Variants in SEMA5B observed in about 807,000 individuals in gnomAD.
SEMA5B encodes the protein semaphorin-5B.
In SEMA5B, 66 loss-of-function variants were observed where a neutral mutation model predicts 135.0. The observed-to-expected ratio is 0.49, with a 90% CI of 0.40 to 0.60. The LOEUF is 0.60. Among genes scored for constraint, SEMA5B ranks in the 20% least tolerant of loss-of-function variants. SEMA5B has a pLI of 0.00. For missense variants in SEMA5B, 1,501 were observed against 1,566.3 expected, an observed-to-expected ratio of 0.96 and a Z score of 0.70; for synonymous variants, 690 against 639.5, an observed-to-expected ratio of 1.08 and a Z score of -1.19.
intron 1 of SEMA5B, among the ~76,000 whole-genome samples, chr3:122,969,323 A>C (rs9816759): frequency 0.53 from 80,073 of 151,906 alleles, 23,196 homozygotes; most frequent in African/African-American, 0.77. Context: ...AGACAGATTC[A>C]CCAGGAAGGA....
At chr3:122,932,579 A>T (rs1228554343) in intron 5 of SEMA5B, among the ~76,000 whole-genome samples, 1 of 152,158 alleles carries the variant, frequency 6.6e-6, no homozygotes, top group Non-Finnish European at 1.5e-5. Flanking sequence ...CTGCCTCATC[A>T]TGGGAACATC....
chr3:123,015,544 A>G (rs1340217420), intron 1 of SEMA5B, among the ~76,000 whole-genome samples: 2 of 152,206 alleles, frequency 1.3e-5, no homozygotes, highest in African/African-American at 4.8e-5. Context: ...AAGCCAGAGG[A>G]GGACTGCTGA....
At position 122,939,406 on chromosome 3, in the gene SEMA5B, G is replaced by A. The variant is rs1224045793; in HGVS notation, c.474+19C>T. Reference sequence around the variant, plus strand: ...AATAGGGGAAATTATAGGAAGGGAAGGGAAGAAAGCAATCGTACCTGAAGA... The same window carrying A: ...AATAGGGGAAATTATAGGAAGGGAAAGGAAGAAAGCAATCGTACCTGAAGA... On this transcript the variant is annotated intron_variant, in intron 5 of 22. Transcript: ENST00000357599. The A allele has an allele frequency of 1.3e-6, 2 of 1,595,512 alleles. No homozygotes were observed. Among genetic ancestry groups the A allele is most frequent in the Non-Finnish European group, 8.6e-7 (1 of 1,163,056 alleles).
Position 122,915,562 on chromosome 3 carries a change from C to T in SEMA5B, c.1866G>A (p.Glu622=). The T allele has an allele frequency of 6.2e-7, 1 of 1,614,148 alleles. No homozygotes were observed. Among genetic ancestry groups the T allele is most frequent in the Non-Finnish European group, 8.5e-7 (1 of 1,179,992 alleles). The part of the protein sequence containing the change: ...FGPWSPWQPC[E]HLDGDNSGSC... ...AGCCTGAGTTGTCCCCATCCAAGTGCTCACATGGTTGCCATGGTGACCATG... is the reference window on the plus strand; with the variant it reads ...AGCCTGAGTTGTCCCCATCCAAGTGTTCACATGGTTGCCATGGTGACCATG... Residue 622 remains glutamate (E), a synonymous_variant, in exon 14 of 23, where the codon GAG becomes GAA. Coordinates refer to ENST00000357599, the MANE Select transcript of SEMA5B (RefSeq NM_001031702.4).
intron 5 of SEMA5B, among the ~76,000 whole-genome samples, chr3:122,933,931 A>G (rs60271930): frequency 1.3e-5 from 2 of 150,810 alleles, no homozygotes; most frequent in South Asian, 4.3e-4. Context: ...TCTTTGAGAC[A>G]GACTTTTGCT....
intron 4 of SEMA5B, among the ~76,000 whole-genome samples, chr3:122,941,652 C>T (rs190817432): frequency 1.1e-3 from 161 of 152,336 alleles, no homozygotes; most frequent in South Asian, 3.1e-3. Context: ...ATGGCCGGTG[C>T]GGAATAAATG....
chr3:122,929,144 TC>T (rs1938816309), intron 5 of SEMA5B, 86 bp from the exon 6 acceptor site: 1 of 1,320,742 alleles, frequency 7.6e-7, no homozygotes, highest in Non-Finnish European at 1.1e-6. Context: ...GCAGCCAGTG[TC>T]GGGAGTGGAC....
intron 1 of SEMA5B, among the ~76,000 whole-genome samples, chr3:122,992,324 T>C (rs1216171093): frequency 2.0e-5 from 3 of 152,180 alleles, no homozygotes; most frequent in Non-Finnish European, 2.9e-5. Context: ...TCCAGGACGA[T>C]GATGACAGCG....
At chr3:123,019,202 G>A (rs899623744) in intron 1 of SEMA5B, among the ~76,000 whole-genome samples, 2 of 152,196 alleles carry the variant, frequency 1.3e-5, no homozygotes, top group African/African-American at 4.8e-5. Context: ...TGTAGGCTCT[G>A]GGTTTAAATC....
intron 1 of SEMA5B, among the ~76,000 whole-genome samples, chr3:122,997,518 T>TCTCCCCA (rs764169923): frequency 7.0e-6 from 1 of 142,782 alleles, no homozygotes; most frequent in Non-Finnish European, 1.5e-5. Flanking sequence ...CCCAGGCCTC[T>TCTCCCCA]CCCCCCCCCG....
Position 123,022,723 on chromosome 3 carries a change from GT to G in SEMA5B, c.-39+4740del, listed in dbSNP as rs563929993. 2.6e-3 allele frequency among the ~76,000 whole-genome samples: 397 copies of G among 152,272 alleles called. 4 individuals are homozygous for G. The highest frequency in any genetic ancestry group is 9.1e-3 in the African/African-American group (377 of 41,552). On this transcript the variant is annotated intron_variant, in intron 1 of 22. Coordinates refer to ENST00000357599, the MANE Select transcript of SEMA5B (RefSeq NM_001031702.4). The stretch of plus-strand genomic sequence containing the variant: ...AAGTCGAATAATTTCTCACTGGTGA[GT>G]CCCCCACTCAAATCAGGACTGAGAG...
intron 12 of SEMA5B, among the ~76,000 whole-genome samples, 175 bp from the exon 13 acceptor site, chr3:122,916,065 A>G (rs369897776): frequency 6.6e-6 from 1 of 152,208 alleles, no homozygotes; most frequent in East Asian, 1.9e-4. Flanking sequence ...TAAGCACTTT[A>G]TAAGCATGAA....
At chr3:123,000,522 A>G (rs1942141941) in intron 1 of SEMA5B, among the ~76,000 whole-genome samples, 1 of 152,196 alleles carries the variant, frequency 6.6e-6, no homozygotes, top group African/African-American at 2.4e-5. Flanking sequence ...GGCACTGTCC[A>G]GAGTGCCTTA....
intron 1 of SEMA5B, among the ~76,000 whole-genome samples, chr3:123,008,815 A>T (rs539461070): frequency 2.9e-4 from 44 of 152,260 alleles, no homozygotes; most frequent in Admixed American, 2.7e-3. Flanking sequence ...GGTAGGTGTC[A>T]ACCAACAGTG....
intron 5 of SEMA5B, among the ~76,000 whole-genome samples, chr3:122,938,233 T>C (rs575081038): frequency 3.9e-5 from 6 of 152,194 alleles, no homozygotes; most frequent in Non-Finnish European, 7.3e-5. Context: ...TTAGTGGTTA[T>C]TCAACAAATG....
chr3:122,978,223 C>G (rs2107670687), intron 1 of SEMA5B, among the ~76,000 whole-genome samples: 2 of 152,382 alleles, frequency 1.3e-5, no homozygotes, highest in East Asian at 3.9e-4. Flanking sequence ...GGGTGCCCTT[C>G]TCTGTCCCAT....
chr3:122,994,600 G>C (rs534218471), intron 1 of SEMA5B, among the ~76,000 whole-genome samples: 19 of 152,262 alleles, frequency 1.2e-4, no homozygotes, highest in African/African-American at 4.3e-4. Context: ...ATCACCACAG[G>C]CTGTGCCACC....
chr3:122,934,747 G>T (rs928860737), intron 5 of SEMA5B, among the ~76,000 whole-genome samples: 2 of 152,030 alleles, frequency 1.3e-5, no homozygotes, highest in Non-Finnish European at 2.9e-5. Context: ...CTGGTATGGT[G>T]GCTTATACCT....
At chr3:122,959,239 T>C (rs528221808) in intron 2 of SEMA5B, among the ~76,000 whole-genome samples, 46 of 152,248 alleles carry the variant, frequency 3.0e-4, no homozygotes, top group African/African-American at 1.1e-3. Flanking sequence ...GTGAGGCGGG[T>C]ATTGTAATCG....
Sources: gnomAD v4.1 joint callset for allele counts (sites outside exome capture counted in the v4.1 genomes callset) on GRCh38, gnomAD v4.1.1 for gene constraint, MANE v1.5 for transcripts, NCBI Gene and HGNC (gene_info 2026-07-23, HGNC 2026-07-21) for gene names.